Variants in TYR observed in about 807,000 individuals in gnomAD.
TYR encodes LB24-AB.
Under a neutral mutation model 51.5 loss-of-function variants are expected in TYR, and 58 were observed. The observed-to-expected ratio is 1.13, with a 90% CI of 0.91 to 1.40. The LOEUF is 1.40. Ranked by LOEUF, TYR falls within the 40% of genes most tolerant of loss-of-function variation. TYR has a pLI of 0.00. For synonymous variants in TYR, 263 were observed against 235.2 expected (o/e 1.12, Z -1.08); for missense variants, 732 against 647.4 (o/e 1.13, Z -1.42).
At chr11:89,289,843 G>A (rs562798622) in intron 4 of TYR, among the ~76,000 whole-genome samples, 1 of 152,000 alleles carries the variant, frequency 6.6e-6, no homozygotes, top group Non-Finnish European at 1.5e-5. Flanking sequence ...AGCAGCTGAA[G>A]CAAGTTTGGA....
At chr11:89,183,272 C>T (rs905126346) in intron 1 of TYR, among the ~76,000 whole-genome samples, 8 of 151,914 alleles carry the variant, frequency 5.3e-5, no homozygotes, top group African/African-American at 1.2e-4. Flanking sequence ...ACTTGATCGT[C>T]CCCCCAGCAT....
intron 3 of TYR, among the ~76,000 whole-genome samples, chr11:89,229,884 TAACTGTAGAACACAA>T (rs1420479015): frequency 1.3e-5 from 2 of 151,996 alleles, no homozygotes; most frequent in African/African-American, 4.8e-5. Flanking sequence ...TTGATAAAAG[TAACTGTAGAACACAA>T]AAATAAATAA....
At chr11:89,229,731 T>A (rs1205123709) in intron 3 of TYR, among the ~76,000 whole-genome samples, 1 of 151,982 alleles carries the variant, frequency 6.6e-6, no homozygotes. Context: ...AAAAAATTAG[T>A]AGTGTTTCTG....
intron 2 of TYR, among the ~76,000 whole-genome samples, chr11:89,196,091 A>G (rs376588250): frequency 6.6e-6 from 1 of 152,186 alleles, no homozygotes; most frequent in African/African-American, 2.4e-5. Flanking sequence ...GATTCAAAGA[A>G]TTAAATGATG....
chr11:89,262,314 C>A (rs1275486850), intron 3 of TYR, among the ~76,000 whole-genome samples: 1 of 152,026 alleles, frequency 6.6e-6, no homozygotes, highest in Admixed American at 6.6e-5. Flanking sequence ...CAGCCTTGGC[C>A]TCCCAAAGTG....
chr11:89,198,019 G>A (rs745888007), intron 2 of TYR, among the ~76,000 whole-genome samples: 57 of 151,974 alleles, frequency 3.8e-4, no homozygotes, highest in Non-Finnish European at 8.8e-5. Flanking sequence ...ACTTTTTAAG[G>A]AGCAATCTAC....
At chr11:89,269,481 G>GA (rs1350329889) in intron 3 of TYR, among the ~76,000 whole-genome samples, 1 of 151,880 alleles carries the variant, frequency 6.6e-6, no homozygotes, top group East Asian at 2.0e-4. Context: ...GAAAAGGAGA[G>GA]AAAAAAACAC....
intron 3 of TYR, among the ~76,000 whole-genome samples, chr11:89,235,849 T>C (rs1944102956): frequency 6.6e-6 from 1 of 152,108 alleles, no homozygotes; most frequent in African/African-American, 2.4e-5. Flanking sequence ...CTTACCACAA[T>C]AAAATGATAA....
chr11:89,283,916 C>T (rs1944750086), intron 3 of TYR: 1 of 151,636 alleles, frequency 6.6e-6, no homozygotes, highest in African/African-American at 2.4e-5. Context: ...CTGAGTAGCT[C>T]ACAAAATCAT....
At chr11:89,184,933 G>T (rs1943350226) in intron 1 of TYR, among the ~76,000 whole-genome samples, 1 of 152,118 alleles carries the variant, frequency 6.6e-6, no homozygotes, top group Non-Finnish European at 1.5e-5. Context: ...TGGGGGGACT[G>T]CCCATTCAAT....
At chr11:89,184,132 A>G (rs1418923386) in intron 1 of TYR, among the ~76,000 whole-genome samples, 1 of 152,078 alleles carries the variant, frequency 6.6e-6, no homozygotes. Context: ...TGTAAAGACT[A>G]AGGTTTGGAG....
intron 2 of TYR, among the ~76,000 whole-genome samples, chr11:89,223,647 A>T (rs1943940682): frequency 6.6e-6 from 1 of 152,182 alleles, no homozygotes; most frequent in Admixed American, 6.6e-5. Context: ...TCTTTTAAAT[A>T]TGAAGGTGTT....
intron 2 of TYR, among the ~76,000 whole-genome samples, chr11:89,196,174 TACTG>T (rs1202676257): frequency 1.3e-5 from 2 of 152,200 alleles, no homozygotes; most frequent in Admixed American, 6.6e-5. Context: ...TGTGGTTAGT[TACTG>T]ACAACTTAGC....
At chr11:89,191,577 G>A (rs1350735652) in intron 2 of TYR, among the ~76,000 whole-genome samples, 159 bp downstream of exon 2, 1 of 152,058 alleles carries the variant, frequency 6.6e-6, no homozygotes, top group Non-Finnish European at 1.5e-5. Flanking sequence ...GCTGACACTG[G>A]TCAGCACGTT....
chr11:89,224,027 A>G (rs1223352665), intron 2 of TYR, among the ~76,000 whole-genome samples: 1 of 151,864 alleles, frequency 6.6e-6, no homozygotes, highest in Non-Finnish European at 1.5e-5. Flanking sequence ...ATGTCGGTCC[A>G]TTCTACTTCC....
intron 3 of TYR, among the ~76,000 whole-genome samples, chr11:89,245,565 G>C (rs1466554954): frequency 6.6e-6 from 1 of 152,190 alleles, no homozygotes; most frequent in African/African-American, 2.4e-5. Context: ...AGCAAAGCAA[G>C]TTGATAAAAA....
chr11:89,250,438 A>G (rs757880741), intron 3 of TYR, among the ~76,000 whole-genome samples: 5 of 151,936 alleles, frequency 3.3e-5, no homozygotes, highest in Non-Finnish European at 5.9e-5. Flanking sequence ...TTCTGTCATT[A>G]TATCAATTAG....
Position 89,268,830 on chromosome 11 carries a change from C to T in TYR, c.1185-15943C>T, listed in dbSNP as rs111323351. Among the ~76,000 whole-genome samples the T allele has an allele frequency of 2.5e-3, 382 of 151,904 alleles. 2 individuals are homozygous for T. The highest frequency in any genetic ancestry group is 0.017 in the Middle Eastern group (5 of 294). ...TCCCGCACTGCTCTACATTGCATCC[C>T]ACACCAGATCACTTTTATTTTTTCA... On this transcript the variant is annotated intron_variant, in intron 3 of 4. Transcript: ENST00000263321.
At chr11:89,244,478 G>C (rs190749746) in intron 3 of TYR, among the ~76,000 whole-genome samples, 1 of 152,210 alleles carries the variant, frequency 6.6e-6, no homozygotes, top group Admixed American at 6.5e-5. Context: ...TCTCCTTTTG[G>C]TAATTCTCTG....
Sources: allele counts gnomAD v4.1 joint callset (sites outside exome capture counted in the v4.1 genomes callset), GRCh38; gene constraint gnomAD v4.1.1; transcripts MANE v1.5; gene names NCBI Gene and HGNC (gene_info 2026-07-23, HGNC 2026-07-21).